The following GABRB2 variants were observed in gnomAD, a reference collection of about 807,000 sequenced individuals.
GABRB2 encodes the protein gamma-aminobutyric acid type A receptor subunit beta2.
A neutral mutation model predicts 54.7 loss-of-function variants in GABRB2; 16 were observed. That is an observed-to-expected ratio of 0.29 (90% confidence interval 0.20 to 0.44). GABRB2 has a LOEUF of 0.44. Ranked by LOEUF, GABRB2 falls within the 20% of genes least tolerant of loss-of-function variation. The pLI, the probability that GABRB2 is intolerant of heterozygous loss-of-function variation, is 1.00. For synonymous variants in GABRB2, 244 were observed against 233.8 expected (o/e 1.04, Z -0.40); for missense variants, 355 against 644.0 (o/e 0.55, Z 4.86).
At chr5:161,410,580 T>C (rs560064276) in intron 5 of GABRB2, among the ~76,000 whole-genome samples, 7 of 152,292 alleles carry the variant, frequency 4.6e-5, no homozygotes, top group African/African-American at 1.7e-4. Flanking sequence ...ATTACAAAGA[T>C]AGAAAGTTTA....
chr5:161,437,389 T>G (rs1253183030), intron 4 of GABRB2, among the ~76,000 whole-genome samples: 1 of 151,952 alleles, frequency 6.6e-6, no homozygotes, highest in Non-Finnish European at 1.5e-5. Flanking sequence ...TGTAGACACA[T>G]CCTGGGACAG....
chr5:161,531,381 A>G (rs1210756449), intron 3 of GABRB2, among the ~76,000 whole-genome samples: 1 of 152,178 alleles, frequency 6.6e-6, no homozygotes, highest in Non-Finnish European at 1.5e-5. Context: ...TTTAAAAGCC[A>G]GCTGTTCAAT....
intron 4 of GABRB2, among the ~76,000 whole-genome samples, chr5:161,451,385 G>A (rs1457755517): frequency 6.6e-6 from 1 of 152,114 alleles, no homozygotes; most frequent in Non-Finnish European, 1.5e-5. Context: ...TTTTAGATGG[G>A]TCAGCTACAA....
intron 3 of GABRB2, among the ~76,000 whole-genome samples, chr5:161,462,018 G>C (rs752458360): frequency 1.3e-5 from 2 of 152,032 alleles, no homozygotes; most frequent in Non-Finnish European, 2.9e-5. Flanking sequence ...AGTTTTCATG[G>C]GAACAACGTA....
At chr5:161,384,314 T>C (rs1012430636) in intron 5 of GABRB2, among the ~76,000 whole-genome samples, 3 of 152,200 alleles carry the variant, frequency 2.0e-5, no homozygotes, top group Non-Finnish European at 2.9e-5. Context: ...ATATCTTATC[T>C]CTTTAACTTG....
chr5:161,310,992 C>T (rs1171603360), intron 9 of GABRB2, among the ~76,000 whole-genome samples: 1 of 152,110 alleles, frequency 6.6e-6, no homozygotes, highest in African/African-American at 2.4e-5. Context: ...GATCTCCTCA[C>T]CTCGTGATCT....
intron 3 of GABRB2, among the ~76,000 whole-genome samples, chr5:161,472,549 C>G (rs1408321967): frequency 6.6e-6 from 1 of 151,738 alleles, no homozygotes; most frequent in African/African-American, 2.4e-5. Context: ...GAATGTCAGT[C>G]CCTGAGAATT....
chr5:161,545,270 T>A lies in GABRB2; in HGVS notation c.194A>T (p.Asn65Ile), dbSNP rs781189180. The change falls in exon 3 of 10, where the codon AAC becomes ATC. Residue 65 changes from asparagine (N) to isoleucine (I), a missense_variant. By Grantham distance (149) the Asn-to-Ile change is moderately radical. This residue lies in a region of GABRB2 where 42 missense variants were observed against 99.7 expected (regional missense o/e 0.42). Transcript: ENST00000393959. ...CATATCGATGCTGGCAATGTCAATG[T>A]TCATCCCCACAGCCACGGGGGGACC... is the stretch of plus-strand genomic sequence containing the variant. ...FGGPPVAVGM[N>I]IDIASIDMVS... The A allele has an allele frequency of 6.2e-7, 1 of 1,608,384 alleles. No individual in the cohort carries two copies. The highest frequency in any genetic ancestry group is 8.5e-7 in the Non-Finnish European group (1 of 1,177,796).
intron 3 of GABRB2, among the ~76,000 whole-genome samples, chr5:161,515,327 T>C (rs1193203713): frequency 6.6e-6 from 1 of 152,108 alleles, no homozygotes; most frequent in African/African-American, 2.4e-5. Flanking sequence ...TTCAGCAATA[T>C]TTGGTCTATT....
chr5:161,400,348 A>T (rs1338427150), intron 5 of GABRB2, among the ~76,000 whole-genome samples: 1 of 152,188 alleles, frequency 6.6e-6, no homozygotes, highest in African/African-American at 2.4e-5. Context: ...AAGCCCAGCC[A>T]AGAAGGGAGC....
intron 5 of GABRB2, among the ~76,000 whole-genome samples, chr5:161,391,826 C>G (rs1755831887): frequency 1.3e-5 from 2 of 152,168 alleles, no homozygotes; most frequent in South Asian, 4.2e-4. Context: ...GAAATGAAAA[C>G]AGACCACCAA....
intron 3 of GABRB2, among the ~76,000 whole-genome samples, chr5:161,515,635 TA>T (rs1759918562): frequency 6.6e-6 from 1 of 152,206 alleles, no homozygotes; most frequent in South Asian, 2.1e-4. Context: ...TTGTTAGAGT[TA>T]AAGGTTAGAA....
chr5:161,535,704 A>C (rs918720606), intron 3 of GABRB2, among the ~76,000 whole-genome samples: 1 of 152,192 alleles, frequency 6.6e-6, no homozygotes, highest in Admixed American at 6.5e-5. Flanking sequence ...GAAGTGCATT[A>C]ACACAATACC....
intron 3 of GABRB2, among the ~76,000 whole-genome samples, chr5:161,518,555 C>A (rs1301383274): frequency 2.0e-5 from 3 of 152,172 alleles, no homozygotes; most frequent in Non-Finnish European, 4.4e-5. Context: ...CTATCTATGA[C>A]CCCAACATAA....
intron 9 of GABRB2, among the ~76,000 whole-genome samples, chr5:161,302,707 A>T (rs1757573071): frequency 6.6e-6 from 1 of 152,206 alleles, no homozygotes; most frequent in Admixed American, 6.5e-5. Context: ...AAGTGACTTG[A>T]AATGCTTAAG....
intron 5 of GABRB2, among the ~76,000 whole-genome samples, chr5:161,387,842 A>T (rs1755694551): frequency 6.6e-6 from 1 of 152,210 alleles, no homozygotes; most frequent in Admixed American, 6.5e-5. Context: ...TTTAAATGGC[A>T]TGAGTTTTGA....
chr5:161,323,659 G>A (rs1205310406), intron 9 of GABRB2, among the ~76,000 whole-genome samples: 1 of 152,130 alleles, frequency 6.6e-6, no homozygotes, highest in African/African-American at 2.4e-5. Flanking sequence ...AGAGGATAGA[G>A]ACTAGACATG....
intron 4 of GABRB2, among the ~76,000 whole-genome samples, chr5:161,436,527 T>G (rs1393945652): frequency 1.4e-5 from 2 of 140,016 alleles, no homozygotes; most frequent in African/African-American, 2.7e-5. Flanking sequence ...AGCAAGACGC[T>G]GTCGAAAAAA....
intron 3 of GABRB2, among the ~76,000 whole-genome samples, chr5:161,541,197 T>C (rs1326920933): frequency 1.3e-5 from 2 of 151,228 alleles, no homozygotes; most frequent in African/African-American, 4.9e-5. Flanking sequence ...GCACTAAGTC[T>C]CAACAGTGGG....
Sources: allele counts gnomAD v4.1 joint callset (sites outside exome capture counted in the v4.1 genomes callset), GRCh38; gene constraint gnomAD v4.1.1; regional missense constraint gnomAD v4.1.1; transcripts MANE v1.5; gene names NCBI Gene and HGNC (gene_info 2026-07-23, HGNC 2026-07-21).